The following PPM1E variants were observed in gnomAD, a reference collection of about 807,000 sequenced individuals.
PPM1E encodes protein phosphatase 1E.
A neutral mutation model predicts 65.9 loss-of-function variants in PPM1E; 20 were observed. That is an observed-to-expected ratio of 0.30 (90% CI 0.21 to 0.44). The LOEUF (loss-of-function observed/expected upper bound fraction) is 0.44, where lower values mean the gene tolerates loss of function less well. PPM1E is among the 20% of genes least tolerant of loss of function. The probability of loss-of-function intolerance (pLI) is 1.00; values close to 1 mark genes in which losing one functional copy is unlikely to be tolerated. For missense variants in PPM1E, 713 were observed against 953.1 expected (o/e 0.75, Z 3.32); for synonymous variants, 352 against 374.9 (o/e 0.94, Z 0.70).
At chr17:58,772,248 G>C (rs2049946388) in intron 1 of PPM1E, among the ~76,000 whole-genome samples, 1 of 152,136 alleles carries the variant, frequency 6.6e-6, no homozygotes. Context: ...ACAAGGTCAA[G>C]AGATCAAGAC....
Position 58,980,655 on chromosome 17 carries a change from A to C in PPM1E, c.1892A>C (p.Asn631Thr). 6.2e-7 allele frequency: 1 copy of C among 1,614,172 alleles called. No homozygotes were observed. The highest frequency in any genetic ancestry group is 8.5e-7 in the Non-Finnish European group (1 of 1,180,030). ...GCTGGAGAGTTTCCCACTGCTTTCA[A>C]TTTGGGTTCAACAGGGGAGCAGATA... ...SGAGEFPTAF[N>T]LGSTGEQIYR... The change falls in exon 7 of 7, where the codon AAT (asparagine) becomes ACT (threonine). Residue 631 changes from asparagine to threonine, a missense_variant. Asn to Thr is a moderately conservative substitution (Grantham distance 65). Around this residue, in one of 6 missense-constraint regions of PPM1E, gnomAD observed 286 missense variants for 313.8 expected, o/e 0.91. Transcript: ENST00000308249. The surrounding 1 kb of genome is among the most constrained non-coding windows in gnomAD (Gnocchi z 4.7).
chr17:58,861,869 T>C (rs1407038860), intron 1 of PPM1E, among the ~76,000 whole-genome samples: 3 of 151,946 alleles, frequency 2.0e-5, no homozygotes, highest in African/African-American at 7.3e-5. Flanking sequence ...GTTGAGGCTG[T>C]AGTGAGCCTA....
At chr17:58,972,606 C>T (rs1216615142) in intron 5 of PPM1E, among the ~76,000 whole-genome samples, 2 of 152,196 alleles carry the variant, frequency 1.3e-5, no homozygotes, top group Non-Finnish European at 2.9e-5. Flanking sequence ...CTGCTTCGGC[C>T]TCCCAAAGTA....
chr17:58,797,344 C>T (rs1047155607), intron 1 of PPM1E, among the ~76,000 whole-genome samples: 1 of 152,080 alleles, frequency 6.6e-6, no homozygotes, highest in Non-Finnish European at 1.5e-5. Context: ...ACTGCTATTC[C>T]AGAAGGTTTC....
chr17:58,851,103 C>T (rs1396613314), intron 1 of PPM1E, among the ~76,000 whole-genome samples: 4 of 152,148 alleles, frequency 2.6e-5, no homozygotes, highest in East Asian at 1.9e-4. Flanking sequence ...ACGTAGTTCT[C>T]GTGCCATGGT....
At chr17:58,875,946 T>C (rs550453009) in intron 1 of PPM1E, among the ~76,000 whole-genome samples, 1 of 152,314 alleles carries the variant, frequency 6.6e-6, no homozygotes, top group East Asian at 1.9e-4. Flanking sequence ...CTGAAAAGGA[T>C]GACTTCATGG....
intron 3 of PPM1E, chr17:58,966,178 T>C (rs1307683294): frequency 4.5e-6 from 2 of 446,536 alleles, no homozygotes; most frequent in Non-Finnish European, 4.1e-6. Flanking sequence ...GGTAGTCTTT[T>C]GTGTCACCTT....
At position 58,879,929 on chromosome 17, in the gene PPM1E, A is replaced by G. The variant is rs9901553; in HGVS notation, c.465-75720A>G. Among the ~76,000 whole-genome samples, 142 of 152,298 alleles carry G rather than the reference A, an allele frequency of 9.3e-4. 1 individual carries two copies. Among genetic ancestry groups the G allele is most frequent in the African/African-American group, 3.3e-3 (139 of 41,564 alleles). On this transcript the variant is annotated intron_variant, in intron 1 of 6. Coordinates refer to ENST00000308249, the MANE Select transcript of PPM1E (RefSeq NM_014906.5). ...CCTCTTAGGGTCCCAGCTGGGTCTG[A>G]GAATTAAATTGACATAAGACATTAA...
chr17:58,756,387 G>A lies in PPM1E; in HGVS notation c.390G>A (p.Pro130=), dbSNP rs1417688338. 3 of 1,367,578 alleles carry A rather than the reference G, an allele frequency of 2.2e-6. No individual in the cohort carries two copies. Among genetic ancestry groups the A allele is most frequent in the Admixed American group, 3.8e-5 (1 of 26,474 alleles). The allele number at this position is 1,367,578 out of a possible 1,614,324, so 84.7% of individuals were successfully genotyped here. Residue 130 remains proline (P), a synonymous_variant, in exon 1 of 7, where the codon CCG becomes CCA. Transcript: ENST00000308249. The part of the protein sequence containing the change: ...QLPPLPPLPR[P]LSERITREEV... ...CGCCTTTGCCCCCGCTCCCGCGACC[G>A]CTGTCAGAGCGCATCACCCGCGAGG... is the stretch of plus-strand genomic sequence containing the variant.
At chr17:58,822,550 C>T (rs1403000158) in intron 1 of PPM1E, among the ~76,000 whole-genome samples, 1 of 152,004 alleles carries the variant, frequency 6.6e-6, no homozygotes, top group Non-Finnish European at 1.5e-5. Context: ...CCCATCTGTT[C>T]TGGTCTTATA....
chr17:58,785,458 TTATATATATATATATATATATA>T (rs71367630), intron 1 of PPM1E: 3 of 88,990 alleles, frequency 3.4e-5, no homozygotes, highest in Admixed American at 2.4e-4. Flanking sequence ...CCTGGCTAAT[TTATATATATATATATATATATA>T]TATATATATA....
intron 1 of PPM1E, among the ~76,000 whole-genome samples, chr17:58,949,052 G>A (rs1269832772): frequency 6.6e-6 from 1 of 152,138 alleles, no homozygotes; most frequent in East Asian, 1.9e-4. Context: ...ATGTTTCCTT[G>A]TTGATTTTCT....
At chr17:58,887,483 A>G (rs2143416283) in intron 1 of PPM1E, among the ~76,000 whole-genome samples, 1 of 152,226 alleles carries the variant, frequency 6.6e-6, no homozygotes, top group East Asian at 1.9e-4. Flanking sequence ...TTTATTCTTA[A>G]AAGTAAAGAA....
At chr17:58,820,818 G>A (rs2050472353) in intron 1 of PPM1E, among the ~76,000 whole-genome samples, 1 of 151,938 alleles carries the variant, frequency 6.6e-6, no homozygotes. Flanking sequence ...AATTACTTGT[G>A]GGAGTGAGTC....
chr17:58,768,900 C>T (rs2049908582), intron 1 of PPM1E, among the ~76,000 whole-genome samples: 1 of 152,116 alleles, frequency 6.6e-6, no homozygotes, highest in Non-Finnish European at 1.5e-5. Flanking sequence ...GACTCCCGAC[C>T]TCAGGTGTTC....
At chr17:58,938,016 C>T (rs968892913) in intron 1 of PPM1E, among the ~76,000 whole-genome samples, 1 of 151,914 alleles carries the variant, frequency 6.6e-6, no homozygotes, top group Non-Finnish European at 1.5e-5. Context: ...TTTAATGTTT[C>T]AGAATACACC....
chr17:58,826,953 A>G (rs988767522), intron 1 of PPM1E, among the ~76,000 whole-genome samples: 5 of 151,684 alleles, frequency 3.3e-5, no homozygotes, highest in Admixed American at 1.3e-4. Flanking sequence ...TATGGGTTTT[A>G]TATACTTTTA....
At chr17:58,793,362 A>G (rs190607454) in intron 1 of PPM1E, among the ~76,000 whole-genome samples, 1 of 149,390 alleles carries the variant, frequency 6.7e-6, no homozygotes, top group Admixed American at 6.7e-5. Flanking sequence ...TATTATTATT[A>G]TTTTTTTTTT....
chr17:58,772,974 CT>C (rs66678128), intron 1 of PPM1E, among the ~76,000 whole-genome samples: 49,666 of 146,658 alleles, frequency 0.34, 8,763 homozygotes, highest in East Asian at 0.49. Context: ...CTTTCTCTCT[CT>C]TTTTTTTTTT....
Sources: gnomAD v4.1 joint callset for allele counts (sites outside exome capture counted in the v4.1 genomes callset) on GRCh38, gnomAD v4.1.1 for gene constraint, gnomAD v4.1.1 regional missense constraint, Gnocchi (gnomAD v3.1) non-coding constraint, MANE v1.5 for transcripts, NCBI Gene and HGNC (gene_info 2026-07-23, HGNC 2026-07-21) for gene names.